SNX20: variants seen among roughly 807,000 people sequenced by gnomAD.
SNX20 encodes sorting nexin-20.
A neutral mutation model predicts 24.5 loss-of-function variants in SNX20; 21 were observed. The observed-to-expected ratio is 0.86, with a 90% CI of 0.61 to 1.23. SNX20 has a LOEUF of 1.23. Ranked by LOEUF, SNX20 falls within the 50% of genes most tolerant of loss-of-function variation. The probability of loss-of-function intolerance (pLI) is 0.00; values close to 1 mark genes in which losing one functional copy is unlikely to be tolerated. For synonymous variants in SNX20, 206 were observed against 192.8 expected, an observed-to-expected ratio of 1.07 and a Z score of -0.57; for missense variants, 433 against 430.8, an observed-to-expected ratio of 1.00 and a Z score of -0.04.
chr16:50,677,386 C>A lies in SNX20; in HGVS notation c.130+11G>T. On this transcript the variant is annotated intron_variant, in intron 2 of 3. Transcript: ENST00000330943. ...CTCTCCCCCAGACCGAGTCTCAAGC[C>A]TCAAGCCCACCTAAGTGCCCGTCAG... is the stretch of plus-strand genomic sequence containing the variant. 6.3e-7 allele frequency: 1 copy of A among 1,577,808 alleles called. No homozygotes were observed.
rs140872915 is a variant in SNX20, at chr16:50,673,484, C to T, written c.873G>A (p.Leu291=). The change falls in exon 4 of 4, where the codon CTG becomes CTA. Residue 291 remains leucine (L), a synonymous_variant. Transcript: ENST00000330943. This position sits in a 1 kb window ranked among gnomAD's most constrained non-coding sequence, Gnocchi z 4.1. The stretch of plus-strand genomic sequence containing the variant: ...TGGGCCTCCGGAGCTGGCTCTCCTC[C>T]AGCCTCTCCTGCAGAGTCACGAAGT... The part of the protein sequence containing the change: ...GKDFVTLQER[L]EESQLRRPTP... The T allele has an allele frequency of 2.9e-4, 473 of 1,607,986 alleles. No homozygotes were observed. Among genetic ancestry groups the T allele is most frequent in the Non-Finnish European group, 3.9e-4 (457 of 1,177,974 alleles).
At chr16:50,668,023 T>C (rs1962955483), downstream of SNX20, 5 of 1,551,650 alleles carry the variant, frequency 3.2e-6, no homozygotes, top group East Asian at 1.2e-4. Context: ...TATCAGGGTG[T>C]GGCGTCAGGA....
chr16:50,674,170 C>A, intron 3 of SNX20, 96 bp from the exon 4 acceptor site: 2 of 1,443,630 alleles, frequency 1.4e-6, no homozygotes, highest in Non-Finnish European at 9.1e-7. Context: ...CGGTGTAAAG[C>A]ATGCCCTGAA....
chr16:50,678,480 C>T (rs780595304), intron 1 of SNX20, among the ~76,000 whole-genome samples: 10 of 152,216 alleles, frequency 6.6e-5, no homozygotes, highest in African/African-American at 9.6e-5. Flanking sequence ...GTGCTTGTGA[C>T]GTGCTGGCTG....
rs771300159 is a variant in SNX20, at chr16:50,677,552, A to G, written c.-9-17T>C. On this transcript the variant is annotated splice_polypyrimidine_tract_variant and intron_variant, in intron 1 of 3. Transcript: ENST00000330943. ...GCTCCAAGGCTGCCAGAGGAAAAAG[A>G]GAACAGTGAGGACCCACTCCAGTTG... 2 of 1,537,984 alleles carry G rather than the reference A, an allele frequency of 1.3e-6. No individual in the cohort carries two copies. Among genetic ancestry groups the G allele is most frequent in the African/African-American group, 1.4e-5 (1 of 72,094 alleles).
At chr16:50,670,501 G>A (rs1404166753), downstream of SNX20, 2 of 152,268 alleles carry the variant, frequency 1.3e-5, no homozygotes, top group African/African-American at 2.4e-5. Context: ...GAGGGGTCAG[G>A]AGAAGAATGT....
chr16:50,667,788 C>T (rs1962948643), downstream of SNX20: 1 of 591,100 alleles, frequency 1.7e-6, no homozygotes, highest in South Asian at 2.0e-5. Context: ...GCTGAGGGGC[C>T]ACAGTCTGCC....
intron 1 of SNX20, 122 bp downstream of exon 1, chr16:50,681,068 T>C (rs2287195): frequency 0.72 from 109,781 of 152,290 alleles, 40,920 homozygotes; most frequent in African/African-American, 0.82. Flanking sequence ...CCAGACACAG[T>C]GGCTGTCACT....
At chr16:50,668,048 G>A, downstream of SNX20, 1 of 1,551,700 alleles carries the variant, frequency 6.4e-7, no homozygotes, top group Non-Finnish European at 8.7e-7. Flanking sequence ...GAGCCTACGG[G>A]TTGAAAGCCA....
chr16:50,668,348 G>GTC, downstream of SNX20: 2 of 1,161,986 alleles, frequency 1.7e-6, no homozygotes, highest in Non-Finnish European at 2.2e-6. Flanking sequence ...CTCTGTCTCT[G>GTC]TCTCTCTCTC....
chr16:50,673,602 C>G lies in SNX20; in HGVS notation c.755G>C (p.Arg252Thr). ...RPAEAFAAGE[R>T]ALQRLQAREG... ...CCGGGCCTGCAGGCGCTGCAGGGCC[C>G]TCTCTCCGGCCGCGAAGGCCTCGGC... The change falls in exon 4 of 4, where the codon AGG (arginine) becomes ACG (threonine). Residue 252 changes from arginine to threonine, a missense_variant. By Grantham distance (71) the Arg-to-Thr change is moderately conservative. Transcript: ENST00000330943. This position sits in a 1 kb window ranked among gnomAD's most constrained non-coding sequence, Gnocchi z 4.1. 6.3e-7 allele frequency: 1 copy of G among 1,581,814 alleles called. No homozygotes were observed. The highest frequency in any genetic ancestry group is 8.5e-7 in the Non-Finnish European group (1 of 1,170,344).
intron 2 of SNX20, 71 bp from the exon 3 acceptor site, chr16:50,675,992 G>C: frequency 6.8e-7 from 1 of 1,477,350 alleles, no homozygotes; most frequent in Non-Finnish European, 9.0e-7. Context: ...TGGGGAGATG[G>C]CTGGGTCTAT....
downstream of SNX20, chr16:50,667,988 C>A: frequency 6.5e-7 from 1 of 1,550,016 alleles, no homozygotes; most frequent in African/African-American, 1.4e-5. Flanking sequence ...CAGCCCAGAA[C>A]GCTCGCTCCA....
rs756369753 is a variant in SNX20 at position 50,674,033 on chromosome 16, G to C, written c.324C>G (p.Asn108Lys). Reference sequence around the variant, plus strand: ...AGCGCCGTTCCAGGACGGCCTTGTTGTTGTCAAAGCTCCCAGTCTGGATGA... The same window carrying C: ...AGCGCCGTTCCAGGACGGCCTTGTTCTTGTCAAAGCTCCCAGTCTGGATGA... Reference protein sequence around the residue: ...IIVIQTGSFDNNKAVLERRYS... With the variant: ...IIVIQTGSFDKNKAVLERRYS... Residue 108 changes from asparagine to lysine, a missense_variant, in exon 4 of 4, where the codon AAC (asparagine) becomes AAG (lysine). Physicochemically the swap from Asn to Lys is moderately conservative, Grantham distance 94. Transcript: ENST00000330943. The C allele has an allele frequency of 3.7e-6, 6 of 1,609,538 alleles. No individual in the cohort carries two copies. In the South Asian group the frequency reaches 6.6e-5, roughly 18 times the overall value.
At chr16:50,677,244 T>G (rs1220466767) in intron 2 of SNX20, among the ~76,000 whole-genome samples, 153 bp downstream of exon 2, 1 of 152,134 alleles carries the variant, frequency 6.6e-6, no homozygotes, top group Non-Finnish European at 1.5e-5. Context: ...ATAAACAGCT[T>G]GCACTAGATC....
At chr16:50,668,801 C>G, downstream of SNX20, 1 of 1,251,530 alleles carries the variant, frequency 8.0e-7, no homozygotes, top group Non-Finnish European at 1.0e-6. Flanking sequence ...CTGGTTTTGC[C>G]ACTCCAAAAC....
At position 50,673,567 on chromosome 16, in the gene SNX20, G is replaced by T. The variant is rs1963104755; in HGVS notation, c.790C>A (p.Arg264Ser). The change falls in exon 4 of 4, where the codon CGC becomes AGC. Residue 264 changes from arginine (R) to serine (S), a missense_variant. Arg to Ser is a moderately radical substitution (Grantham distance 110). Transcript: ENST00000330943. This position sits in a 1 kb window ranked among gnomAD's most constrained non-coding sequence, Gnocchi z 4.1. ...GCGTCCAGCAGAGGCGCATAGTAGC[G>T]ATGGCCCTCCCGGGCCTGCAGGCGC... ...LQRLQAREGH[R>S]YYAPLLDAMV... The T allele has an allele frequency of 1.2e-6, 2 of 1,601,884 alleles. No homozygotes were observed. The highest frequency in any genetic ancestry group is 1.7e-6 in the Non-Finnish European group (2 of 1,177,188).
chr16:50,674,226 TTTG>T, intron 3 of SNX20, 152 bp from the exon 4 acceptor site: 3 of 883,308 alleles, frequency 3.4e-6, no homozygotes, highest in Non-Finnish European at 4.4e-6. Flanking sequence ...TGTTTGTTTG[TTTG>T]TTTATTTATT....
In SNX20 at chr16:50,673,483, C is replaced by A. The variant is rs1963100235; in HGVS notation, c.874G>T (p.Glu292Ter). The A allele has an allele frequency of 1.9e-6, 3 of 1,608,088 alleles. No individual in the cohort carries two copies. The highest frequency in any genetic ancestry group is 2.5e-6 in the Non-Finnish European group (3 of 1,177,942). The change falls in exon 4 of 4, where the codon GAG becomes TAG. Residue 292 changes from glutamate (E) to a stop codon, truncating the protein, a stop_gained. Coordinates refer to ENST00000330943, the MANE Select transcript of SNX20 (RefSeq NM_182854.4). LOFTEE classifies it high-confidence loss of function. The surrounding 1 kb of genome is among the most constrained non-coding windows in gnomAD (Gnocchi z 4.1). ...KDFVTLQERLEESQLRRPTPR... is the reference protein window; with the variant it reads ...KDFVTLQERL ...GTGGGCCTCCGGAGCTGGCTCTCCT[C>A]CAGCCTCTCCTGCAGAGTCACGAAG... is the stretch of plus-strand genomic sequence containing the variant.
Sources: allele counts gnomAD v4.1 joint callset (sites outside exome capture counted in the v4.1 genomes callset), GRCh38; gene constraint gnomAD v4.1.1; non-coding constraint Gnocchi (gnomAD v3.1); transcripts MANE v1.5; gene names NCBI Gene and HGNC (gene_info 2026-07-23, HGNC 2026-07-21).